Variants in DNAJC6 observed in about 807,000 individuals in gnomAD.
The protein encoded by DNAJC6 is auxilin.
DNAJC6 carries 34 observed loss-of-function variants against 110.0 expected under a neutral mutation model. The observed-to-expected ratio is 0.31, with a 90% confidence interval of 0.24 to 0.41. The LOEUF (loss-of-function observed/expected upper bound fraction) is 0.41. Ranked by LOEUF, DNAJC6 falls within the 10% of genes least tolerant of loss-of-function variation. The pLI is 1.00. For synonymous variants in DNAJC6, 406 were observed against 437.2 expected (o/e 0.93, Z 0.89); for missense variants, 1,031 against 1,207.8 (o/e 0.85, Z 2.17).
At chr1:65,272,088 T>C (rs543452778) in intron 1 of DNAJC6, among the ~76,000 whole-genome samples, 1 of 152,188 alleles carries the variant, frequency 6.6e-6, no homozygotes, top group African/African-American at 2.4e-5. Context: ...ATCTCTCTTA[T>C]AATGTTGAAT....
chr1:65,275,569 TG>T (rs1414595292), intron 1 of DNAJC6, among the ~76,000 whole-genome samples: 1 of 152,176 alleles, frequency 6.6e-6, no homozygotes, highest in Admixed American at 6.5e-5. Context: ...TTATCCTGCT[TG>T]GGGTTTTCAG....
At chr1:65,390,891 T>C (rs1272358226) in intron 11 of DNAJC6, among the ~76,000 whole-genome samples, 1 of 152,132 alleles carries the variant, frequency 6.6e-6, no homozygotes, top group Non-Finnish European at 1.5e-5. Flanking sequence ...TCTTACCTCT[T>C]ATTTTCCTCA....
chr1:65,370,037 G>T (rs1426219022), intron 4 of DNAJC6, among the ~76,000 whole-genome samples: 1 of 152,046 alleles, frequency 6.6e-6, no homozygotes, highest in Non-Finnish European at 1.5e-5. Flanking sequence ...GAAACCTCAG[G>T]TGTTTTTATT....
In DNAJC6 at chr1:65,309,903, A is replaced by G; in HGVS notation, c.158A>G (p.Gln53Arg). The G allele has an allele frequency of 3.2e-6, 5 of 1,540,100 alleles. No homozygotes were observed. The Middle Eastern group carries it at 6.9e-4, about 213-fold the overall frequency. The stretch of plus-strand genomic sequence containing the variant: ...GCAGCGGCGCGGAGTCCCGCCCGAC[A>G]GCCTCCGGACCGCGCCAGCACCATG... ...AGAAARSPAR[Q>R]PPDRASTMDS... The change falls in exon 1 of 19, where the codon CAG (glutamine) becomes CGG (arginine). Residue 53 changes from glutamine to arginine, a missense_variant. Transcript: ENST00000371069.
At chr1:65,409,642 C>T (rs953324901) in intron 17 of DNAJC6, among the ~76,000 whole-genome samples, 1 of 152,078 alleles carries the variant, frequency 6.6e-6, no homozygotes. Context: ...TATTTATGTA[C>T]CTGAGACTTA....
At chr1:65,295,811 T>C (rs1250333868) in intron 1 of DNAJC6, among the ~76,000 whole-genome samples, 1 of 152,194 alleles carries the variant, frequency 6.6e-6, no homozygotes, top group African/African-American at 2.4e-5. Context: ...GTCTTTGCTA[T>C]TTTTTTCCTC....
Position 65,392,738 on chromosome 1 carries a change from T to C in DNAJC6, c.1776T>C (p.Gly592=). 6.2e-7 allele frequency: 1 copy of C among 1,613,042 alleles called. No homozygotes were observed. The highest frequency in any genetic ancestry group is 8.5e-7 in the Non-Finnish European group (1 of 1,179,586). The change falls in exon 12 of 19, where the codon GGT becomes GGC. Residue 592 remains glycine (G), a synonymous_variant. Coordinates refer to ENST00000371069, the MANE Select transcript of DNAJC6 (RefSeq NM_001256864.2). ...TGTTTGGGGGTGGAGGTGCAGCTGG[T>C]CCCACCCAGGCTGGACAGTCAGGAG... is the stretch of plus-strand genomic sequence containing the variant. ...SDLFGGGGAA[G]PTQAGQSGVE...
chr1:65,331,985 G>C (rs1379570979), intron 1 of DNAJC6, among the ~76,000 whole-genome samples: 2 of 152,124 alleles, frequency 1.3e-5, no homozygotes, highest in African/African-American at 4.8e-5. Flanking sequence ...CTTACTCTGG[G>C]GGGGCCTGGA....
chr1:65,266,892 T>G (rs1653350888), intron 1 of DNAJC6, among the ~76,000 whole-genome samples: 1 of 150,490 alleles, frequency 6.6e-6, no homozygotes. Flanking sequence ...GAGTTGGTAT[T>G]TAGAATTTTT....
At chr1:65,398,025 A>G (rs1456051048) in intron 13 of DNAJC6, among the ~76,000 whole-genome samples, 2 of 152,180 alleles carry the variant, frequency 1.3e-5, no homozygotes, top group Admixed American at 6.6e-5. Context: ...GGTGCCTCAG[A>G]AAGAAATTCT....
chr1:65,347,383 G>A (rs955701260), intron 1 of DNAJC6, among the ~76,000 whole-genome samples: 3 of 151,376 alleles, frequency 2.0e-5, no homozygotes, highest in Non-Finnish European at 2.9e-5. Flanking sequence ...ACAAGGCCCC[G>A]TCTGGTTTTA....
At chr1:65,354,776 C>G (rs1340235296) in intron 1 of DNAJC6, among the ~76,000 whole-genome samples, 2 of 152,126 alleles carry the variant, frequency 1.3e-5, no homozygotes, top group Non-Finnish European at 2.9e-5. Flanking sequence ...TAAAATATAA[C>G]CCCCTTTTAT....
At chr1:65,407,740 A>T (rs562290160) in intron 16 of DNAJC6, among the ~76,000 whole-genome samples, 23 of 152,324 alleles carry the variant, frequency 1.5e-4, no homozygotes, top group African/African-American at 5.3e-4. Context: ...AACATTGAGG[A>T]TGCAGCAGGG....
intron 1 of DNAJC6, chr1:65,298,640 A>G (rs1644949326): frequency 6.6e-6 from 1 of 152,034 alleles, no homozygotes. Context: ...ATTTATTAAG[A>G]TAAACAATTT....
chr1:65,298,605 T>TA (rs1326833350), intron 1 of DNAJC6: 5 of 152,060 alleles, frequency 3.3e-5, no homozygotes, highest in African/African-American at 4.8e-5. Flanking sequence ...TTTTTTTTTT[T>TA]AACCGTTCAA....
chr1:65,356,440 T>G (rs1035228041), intron 1 of DNAJC6, among the ~76,000 whole-genome samples: 1 of 151,910 alleles, frequency 6.6e-6, no homozygotes, highest in Admixed American at 6.6e-5. Context: ...GGTGCATGCC[T>G]GTAATCCCAG....
chr1:65,342,859 TA>T (rs1483999593), intron 1 of DNAJC6, among the ~76,000 whole-genome samples: 3 of 152,200 alleles, frequency 2.0e-5, no homozygotes, highest in Admixed American at 6.5e-5. Context: ...TGTCCTTTTT[TA>T]GATGGCTTAC....
intron 2 of DNAJC6, among the ~76,000 whole-genome samples, 193 bp downstream of exon 2, chr1:65,364,978 T>G (rs1220370996): frequency 6.6e-6 from 1 of 152,202 alleles, no homozygotes; most frequent in Non-Finnish European, 1.5e-5. Context: ...CTGGGAGGAC[T>G]CAGTTCATTG....
At chr1:65,383,676 A>G (rs1369534538) in intron 5 of DNAJC6, among the ~76,000 whole-genome samples, 3 of 152,318 alleles carry the variant, frequency 2.0e-5, no homozygotes, top group East Asian at 3.9e-4. Context: ...TGGGGTTAGG[A>G]TTTCAGCATA....
Sources: allele counts gnomAD v4.1 joint callset (sites outside exome capture counted in the v4.1 genomes callset), GRCh38; gene constraint gnomAD v4.1.1; transcripts MANE v1.5; gene names NCBI Gene and HGNC (gene_info 2026-07-23, HGNC 2026-07-21).